The following EML6 variants were observed in gnomAD, a reference collection of about 807,000 sequenced individuals.
EML6 encodes EMAP like 6.
Under a neutral mutation model 240.1 loss-of-function variants are expected in EML6, and 154 were observed. The ratio of observed to expected loss-of-function variants is 0.64; its 90% CI spans 0.56 to 0.73. The LOEUF is 0.73. Among genes scored for constraint, EML6 ranks in the 30% least tolerant of loss-of-function variants. The pLI is 0.00. For synonymous variants in EML6, 1,148 were observed against 899.0 expected (o/e 1.28, Z -4.95); for missense variants, 2,964 against 2,474.6 (o/e 1.20, Z -4.20).
chr2:54,968,541 C>A (rs1676850334), intron 40 of EML6, 127 bp from the exon 41 acceptor site: 1 of 711,612 alleles, frequency 1.4e-6, no homozygotes. Flanking sequence ...ATAGATGAGT[C>A]CAGACCAAAT....
intron 2 of EML6, among the ~76,000 whole-genome samples, chr2:54,746,522 T>C (rs1423925514): frequency 1.3e-5 from 2 of 152,142 alleles, no homozygotes; most frequent in African/African-American, 4.8e-5. Context: ...AATAAAAATA[T>C]AAAGAAGAGA....
At chr2:54,760,860 C>A (rs1360305923) in intron 2 of EML6, among the ~76,000 whole-genome samples, 2 of 126,780 alleles carry the variant, frequency 1.6e-5, no homozygotes, top group Non-Finnish European at 1.6e-5. Context: ...GAAAAAGAAT[C>A]TGGGACAGAC....
chr2:54,814,531 C>A (rs532860588), intron 3 of EML6, among the ~76,000 whole-genome samples: 1 of 152,294 alleles, frequency 6.6e-6, no homozygotes, highest in African/African-American at 2.4e-5. Context: ...CCTGTGCCAC[C>A]CTTCCTCTGT....
chr2:54,789,406 C>T (rs1040450815), intron 2 of EML6, among the ~76,000 whole-genome samples: 2 of 148,520 alleles, frequency 1.3e-5, no homozygotes, highest in African/African-American at 2.5e-5. Context: ...CCCAGCTACT[C>T]GGGAGGCTGA....
In EML6 at chr2:54,914,168, A is replaced by G. The variant is rs141490931; in HGVS notation, c.3499-2591A>G. Among the ~76,000 whole-genome samples the G allele has an allele frequency of 5.9e-3, 895 of 151,774 alleles. 36 individuals are homozygous for G. Among genetic ancestry groups the G allele is most frequent in the Admixed American group, 0.052 (790 of 15,292 alleles). On this transcript the variant is annotated intron_variant, in intron 25 of 41. Coordinates refer to ENST00000356458, the MANE Select transcript of EML6 (RefSeq NM_001039753.4). ...TGGCTCCATATGAATTTCAGAATAT[A>G]TACACCTATATTTTAATCCTCATAA...
chr2:54,821,947 A>G (rs769882347), intron 5 of EML6, among the ~76,000 whole-genome samples: 5 of 152,172 alleles, frequency 3.3e-5, no homozygotes, highest in Non-Finnish European at 1.5e-5. Context: ...AAGGAATAAT[A>G]CTGATGCAAC....
intron 16 of EML6, among the ~76,000 whole-genome samples, chr2:54,877,673 A>G (rs1671582869): frequency 6.6e-6 from 1 of 152,232 alleles, no homozygotes; most frequent in Non-Finnish European, 1.5e-5. Flanking sequence ...TTTAAGCATA[A>G]GGGGATATCA....
rs34682923 is a variant in EML6, at chr2:54,937,553, T to TAA, written c.4004+8830_4004+8831dup. 1.3e-3 allele frequency among the ~76,000 whole-genome samples: 91 copies of TAA among 68,204 alleles called. 1 individual carries two copies. The highest frequency in any genetic ancestry group is 3.5e-3 in the African/African-American group (59 of 16,858). 44.7% of individuals were successfully genotyped at this position (68,204 alleles called of 152,430 possible). On this transcript the variant is annotated intron_variant, in intron 28 of 41. Transcript: ENST00000356458. ...GGGCCATAGAGCAAGACTCTGTCTT[T>TAA]AAAAAAAAAAAAAAAAAAAAAAAAA...
At chr2:54,964,806 G>C in intron 38 of EML6, 73 bp downstream of exon 38, 1 of 1,409,054 alleles carries the variant, frequency 7.1e-7, no homozygotes, top group East Asian at 2.5e-5. Flanking sequence ...TATATTAATC[G>C]AGTCCTTACT....
chr2:54,754,602 T>C lies in EML6; in HGVS notation c.197+29344T>C, dbSNP rs191513938. 1.9e-3 allele frequency among the ~76,000 whole-genome samples: 284 copies of C among 152,360 alleles called. 2 individuals are homozygous for C. Among genetic ancestry groups the C allele is most frequent in the African/African-American group, 6.5e-3 (269 of 41,588 alleles). ...GGATATGAGTACTTTGTCAATTCTA[T>C]ATTTCAAATATCTTCTCCCATTCTG... On this transcript the variant is annotated intron_variant, in intron 2 of 41. Coordinates refer to ENST00000356458, the MANE Select transcript of EML6 (RefSeq NM_001039753.4).
At chr2:54,897,043 T>C (rs966834929) in intron 21 of EML6, among the ~76,000 whole-genome samples, 1 of 152,168 alleles carries the variant, frequency 6.6e-6, no homozygotes, top group African/African-American at 2.4e-5. Context: ...AACTAAATCT[T>C]TTTTTTTCTG....
intron 8 of EML6, among the ~76,000 whole-genome samples, chr2:54,847,039 C>G (rs577982170): frequency 6.6e-6 from 1 of 151,228 alleles, no homozygotes; most frequent in Admixed American, 6.6e-5. Flanking sequence ...CCCCAAGTAG[C>G]TGGGGCTACA....
intron 5 of EML6, among the ~76,000 whole-genome samples, chr2:54,826,887 A>T (rs148473339): frequency 0.013 from 1,941 of 152,312 alleles, 39 homozygotes; most frequent in African/African-American, 0.044. Context: ...AAATACCTAG[A>T]TATAGCCGAG....
chr2:54,905,321 G>GAC (rs70944194), intron 24 of EML6, among the ~76,000 whole-genome samples: 3,066 of 121,572 alleles, frequency 0.025, 76 homozygotes, highest in East Asian at 0.052. Flanking sequence ...TTTAGAATCC[G>GAC]ACACACACAC....
intron 26 of EML6, among the ~76,000 whole-genome samples, chr2:54,918,247 GA>G: frequency 6.6e-6 from 1 of 151,936 alleles, no homozygotes. Flanking sequence ...TCACAATCCC[GA>G]GTTCTAAATC....
Position 54,925,197 on chromosome 2 carries a change from C to A in EML6, c.3676-3116C>A, listed in dbSNP as rs935996899. Among the ~76,000 whole-genome samples the A allele has an allele frequency of 2.0e-5, 3 of 152,176 alleles. No homozygotes were observed. In the South Asian group the frequency reaches 6.2e-4, roughly 32 times the overall value. ...CTAGCTTTCACTCTCCACACACACA[C>A]CGCCCGCTCTTCCTGTGAGCACACA... is the stretch of plus-strand genomic sequence containing the variant. On this transcript the variant is annotated intron_variant, in intron 26 of 41. Transcript: ENST00000356458.
At chr2:54,921,442 G>GAAAGA (rs1315951556) in intron 26 of EML6, among the ~76,000 whole-genome samples, 5 of 152,048 alleles carry the variant, frequency 3.3e-5, no homozygotes, top group African/African-American at 1.2e-4. Flanking sequence ...CAAATAAATG[G>GAAAGA]AAAGAGATCC....
chr2:54,846,196 AGG>A (rs1309167123), intron 8 of EML6, among the ~76,000 whole-genome samples: 3 of 152,160 alleles, frequency 2.0e-5, no homozygotes, highest in African/African-American at 7.2e-5. Context: ...TTGGGCGCCC[AGG>A]GAAGCTTGTG....
chr2:54,917,298 C>A (rs1406296335), intron 26 of EML6, among the ~76,000 whole-genome samples: 9 of 151,650 alleles, frequency 5.9e-5, no homozygotes. Flanking sequence ...TAAATACCTC[C>A]AATTGTTAAA....
Sources: allele counts gnomAD v4.1 joint callset (sites outside exome capture counted in the v4.1 genomes callset), GRCh38; gene constraint gnomAD v4.1.1; transcripts MANE v1.5; gene names NCBI Gene and HGNC (gene_info 2026-07-23, HGNC 2026-07-21).